The following PRKCA variants were observed in gnomAD, a reference collection of about 807,000 sequenced individuals.
PRKCA encodes the protein protein kinase C alpha.
PRKCA carries 27 observed loss-of-function variants against 87.0 expected under a neutral mutation model. The observed-to-expected ratio is 0.31, with a 90% CI of 0.23 to 0.43. The LOEUF (loss-of-function observed/expected upper bound fraction) is 0.43. Ranked by LOEUF, PRKCA falls within the 20% of genes least tolerant of loss-of-function variation. The pLI is 1.00. For missense variants in PRKCA, 518 were observed against 852.3 expected (o/e 0.61, Z 4.88); for synonymous variants, 329 against 311.1 (o/e 1.06, Z -0.61).
intron 3 of PRKCA, among the ~76,000 whole-genome samples, chr17:66,578,150 C>G (rs77951067): frequency 6.7e-6 from 1 of 148,234 alleles, no homozygotes; most frequent in Non-Finnish European, 1.5e-5. Flanking sequence ...CAAAACAAAA[C>G]AAAACAAAAC....
intron 2 of PRKCA, among the ~76,000 whole-genome samples, chr17:66,316,637 C>G (rs866857511): frequency 6.6e-6 from 1 of 152,058 alleles, no homozygotes; most frequent in Non-Finnish European, 1.5e-5. Flanking sequence ...AGATTGGACA[C>G]CCCTGGTTTA....
At chr17:66,328,427 A>G (rs1054263288) in intron 2 of PRKCA, among the ~76,000 whole-genome samples, 2 of 152,178 alleles carry the variant, frequency 1.3e-5, no homozygotes, top group Non-Finnish European at 2.9e-5. Context: ...CTGATTGAAA[A>G]TGAAAGGAAA....
chr17:66,423,440 C>G (rs994161591), intron 2 of PRKCA, among the ~76,000 whole-genome samples: 7 of 152,136 alleles, frequency 4.6e-5, no homozygotes, highest in Non-Finnish European at 1.0e-4. Context: ...AAATTTTTAT[C>G]TATAAACAAG....
intron 3 of PRKCA, among the ~76,000 whole-genome samples, chr17:66,631,556 C>T (rs1482441494): frequency 1.3e-5 from 2 of 152,096 alleles, no homozygotes; most frequent in Admixed American, 1.3e-4. Flanking sequence ...ATAGCTGGGA[C>T]CACAAGCATG....
At chr17:66,553,272 T>A (rs1968397485) in intron 3 of PRKCA, among the ~76,000 whole-genome samples, 1 of 152,178 alleles carries the variant, frequency 6.6e-6, no homozygotes, top group Non-Finnish European at 1.5e-5. Context: ...TGAGCCACCC[T>A]GCACCTGGCC....
chr17:66,648,540 G>A (rs1038057986), intron 5 of PRKCA, among the ~76,000 whole-genome samples: 2 of 152,170 alleles, frequency 1.3e-5, no homozygotes, highest in Non-Finnish European at 2.9e-5. Context: ...AAGATATTTT[G>A]ATGACAGTTT....
intron 13 of PRKCA, among the ~76,000 whole-genome samples, chr17:66,749,036 G>GGTATCTTGGAGAAGCCA (rs1325792545): frequency 3.4e-4 from 51 of 149,336 alleles, no homozygotes; most frequent in Non-Finnish European, 4.2e-4. Flanking sequence ...CTCTGAATTG[G>GGTATCTTGGAGAAGCCA]AACCCCCTCC....
At chr17:66,726,727 C>CTT (rs770732800) in intron 8 of PRKCA, among the ~76,000 whole-genome samples, 1 of 142,378 alleles carries the variant, frequency 7.0e-6, no homozygotes, top group African/African-American at 2.6e-5. Context: ...GGACCACTGT[C>CTT]TTTTTTTTTT....
At chr17:66,790,860 C>T (rs551274969) in intron 16 of PRKCA, among the ~76,000 whole-genome samples, 2 of 151,788 alleles carry the variant, frequency 1.3e-5, no homozygotes, top group Admixed American at 6.6e-5. Context: ...GACTTGGCTC[C>T]GCAGGCAAGA....
chr17:66,748,818 C>T (rs980927034), intron 13 of PRKCA, among the ~76,000 whole-genome samples: 5 of 151,876 alleles, frequency 3.3e-5, no homozygotes, highest in Admixed American at 3.3e-4. Context: ...AGGGGAAATG[C>T]CGGAGAGAGA....
At chr17:66,313,191 G>C (rs538789988) in intron 2 of PRKCA, among the ~76,000 whole-genome samples, 2 of 152,134 alleles carry the variant, frequency 1.3e-5, no homozygotes, top group Non-Finnish European at 2.9e-5. Context: ...ATATTTGTTG[G>C]GTGTGTGATT....
intron 2 of PRKCA, among the ~76,000 whole-genome samples, chr17:66,367,353 G>C (rs1908797100): frequency 6.6e-6 from 1 of 152,228 alleles, no homozygotes; most frequent in African/African-American, 2.4e-5. Flanking sequence ...AAAAGACTTA[G>C]TGAGAGCTGG....
At chr17:66,504,485 G>A (rs996539980) in intron 3 of PRKCA, among the ~76,000 whole-genome samples, 6 of 152,080 alleles carry the variant, frequency 3.9e-5, no homozygotes, top group African/African-American at 1.4e-4. Context: ...CCAGCTACTT[G>A]GGAGACTGAG....
intron 2 of PRKCA, among the ~76,000 whole-genome samples, chr17:66,448,655 A>G (rs891510376): frequency 1.3e-5 from 2 of 152,214 alleles, no homozygotes; most frequent in South Asian, 2.1e-4. Context: ...CTCTCCTTTC[A>G]GAAGAATTCA....
chr17:66,367,750 A>G lies in PRKCA; in HGVS notation c.205+61623A>G, dbSNP rs192393469. On this transcript the variant is annotated intron_variant, in intron 2 of 16. Transcript: ENST00000413366. ...TCTGAGCTGTGTTTTTGCTGGCTTT[A>G]TGGTATTGGGCAAGTTGGCAATGTT... Among the ~76,000 whole-genome samples, 9 of 152,258 alleles carry G rather than the reference A, an allele frequency of 5.9e-5. No individual in the cohort carries two copies. The East Asian group carries it at 1.4e-3, about 23-fold the overall frequency.
At chr17:66,579,963 T>A (rs1203914836) in intron 3 of PRKCA, among the ~76,000 whole-genome samples, 1 of 152,102 alleles carries the variant, frequency 6.6e-6, no homozygotes, top group East Asian at 1.9e-4. Flanking sequence ...TCACTCTCTC[T>A]CCTCGGCTCA....
chr17:66,494,890 C>T (rs941587632), intron 2 of PRKCA, among the ~76,000 whole-genome samples: 2 of 152,122 alleles, frequency 1.3e-5, no homozygotes, highest in East Asian at 1.9e-4. Context: ...ATTGCTTGAG[C>T]TTAGGAGTTC....
At chr17:66,720,630 A>C (rs1408921222) in intron 8 of PRKCA, among the ~76,000 whole-genome samples, 2 of 152,194 alleles carry the variant, frequency 1.3e-5, no homozygotes, top group East Asian at 3.9e-4. Flanking sequence ...TGGCATGGCT[A>C]TTTCTGTTAA....
chr17:66,509,481 C>T (rs983425287), intron 3 of PRKCA, among the ~76,000 whole-genome samples: 4 of 152,086 alleles, frequency 2.6e-5, no homozygotes, highest in African/African-American at 4.8e-5. Flanking sequence ...AATCTCAAGG[C>T]CTTCAGGCAA....
Sources: allele counts gnomAD v4.1 joint callset (sites outside exome capture counted in the v4.1 genomes callset), GRCh38; gene constraint gnomAD v4.1.1; transcripts MANE v1.5; gene names NCBI Gene and HGNC (gene_info 2026-07-23, HGNC 2026-07-21).